The following ABTB3 variants were observed in gnomAD, a reference collection of about 807,000 sequenced individuals.
The protein encoded by ABTB3 is ankyrin repeat- and BTB/POZ domain-containing protein 3.
the ABTB3 span, among the ~76,000 whole-genome samples, chr12:107,641,322 G>C: frequency 6.6e-6 from 1 of 152,148 alleles, no homozygotes; most frequent in African/African-American, 2.4e-5. Context: ...TCTTAGTTTT[G>C]ACAAAGGTAC....
At chr12:107,656,720 A>T in the ABTB3 span, among the ~76,000 whole-genome samples, 1 of 152,252 alleles carries the variant, frequency 6.6e-6, no homozygotes, top group Non-Finnish European at 1.5e-5. Context: ...GTGCCGAATG[A>T]CACTAATATA....
the ABTB3 span, among the ~76,000 whole-genome samples, chr12:107,549,434 A>G: frequency 6.6e-6 from 1 of 152,230 alleles, no homozygotes; most frequent in Non-Finnish European, 1.5e-5. Context: ...TAAGTCCAGC[A>G]TGTTAGTTAT....
the ABTB3 span, among the ~76,000 whole-genome samples, chr12:107,566,278 C>G: frequency 6.6e-6 from 1 of 152,162 alleles, no homozygotes; most frequent in South Asian, 2.1e-4. Context: ...ATTCCCATCC[C>G]CTACTTCCTC....
At chr12:107,353,627 TC>T in the ABTB3 span, among the ~76,000 whole-genome samples, 1 of 152,100 alleles carries the variant, frequency 6.6e-6, no homozygotes, top group South Asian at 2.1e-4. Context: ...AGTAGAGTGG[TC>T]CCCAACCCCT....
At chr12:107,485,262 TA>T in the ABTB3 span, among the ~76,000 whole-genome samples, 2 of 152,058 alleles carry the variant, frequency 1.3e-5, no homozygotes, top group Non-Finnish European at 2.9e-5. Flanking sequence ...TTCAGGAGAT[TA>T]AAAAAACTAA....
chr12:107,654,349 A>G, the ABTB3 span, among the ~76,000 whole-genome samples: 1 of 152,076 alleles, frequency 6.6e-6, no homozygotes, highest in Non-Finnish European at 1.5e-5. Context: ...CCCAGGCTGG[A>G]GTGCAGTGAC....
At chr12:107,347,598 G>A in the ABTB3 span, among the ~76,000 whole-genome samples, 1 of 152,122 alleles carries the variant, frequency 6.6e-6, no homozygotes, top group African/African-American at 2.4e-5. Flanking sequence ...ACAGCATGGA[G>A]GTATCAGGGT....
the ABTB3 span, among the ~76,000 whole-genome samples, chr12:107,480,509 C>T: frequency 6.6e-6 from 1 of 152,276 alleles, no homozygotes; most frequent in East Asian, 1.9e-4. Flanking sequence ...CAAAGTCACA[C>T]AGCTAGTGAA....
At chr12:107,422,694 C>T in the ABTB3 span, among the ~76,000 whole-genome samples, 1 of 152,188 alleles carries the variant, frequency 6.6e-6, no homozygotes, top group South Asian at 2.1e-4. Flanking sequence ...GAGATAACTT[C>T]TTATGCCTCT....
the ABTB3 span, among the ~76,000 whole-genome samples, chr12:107,347,386 C>G: frequency 6.6e-6 from 1 of 152,122 alleles, no homozygotes; most frequent in Admixed American, 6.5e-5. Context: ...AACAACTACC[C>G]CAAAACATAT....
the ABTB3 span, chr12:107,649,271 G>A: frequency 1.9e-6 from 3 of 1,612,662 alleles, no homozygotes; most frequent in Admixed American, 5.0e-5. Context: ...ATGAGATCAT[G>A]GAGGTAAGGG....
At chr12:107,365,872 A>C in the ABTB3 span, among the ~76,000 whole-genome samples, 1 of 152,364 alleles carries the variant, frequency 6.6e-6, no homozygotes, top group South Asian at 2.1e-4. Context: ...GGTAGCATTC[A>C]TGGAATTTGA....
At chr12:107,372,436 A>G in the ABTB3 span, among the ~76,000 whole-genome samples, 3 of 152,334 alleles carry the variant, frequency 2.0e-5, no homozygotes, top group Admixed American at 6.5e-5. Context: ...CCAAAATTCA[A>G]TTCAACTTGG....
chr12:107,381,565 C>T, the ABTB3 span, among the ~76,000 whole-genome samples: 2 of 152,202 alleles, frequency 1.3e-5, no homozygotes, highest in African/African-American at 2.4e-5. Context: ...CAGCGTCTTC[C>T]TCAGGGCTGG....
the ABTB3 span, among the ~76,000 whole-genome samples, chr12:107,496,391 T>G: frequency 6.6e-6 from 1 of 152,164 alleles, no homozygotes; most frequent in African/African-American, 2.4e-5. Context: ...GTCACCTGTT[T>G]GATTAAATCT....
chr12:107,629,148 G>A, the ABTB3 span, among the ~76,000 whole-genome samples: 1 of 152,198 alleles, frequency 6.6e-6, no homozygotes, highest in East Asian at 1.9e-4. Flanking sequence ...CAGGCGTGGT[G>A]GCTCATGCCT....
the ABTB3 span, chr12:107,544,066 T>C: frequency 6.2e-7 from 1 of 1,614,046 alleles, no homozygotes; most frequent in Non-Finnish European, 8.5e-7. Context: ...CCTTTGCTAT[T>C]TCATGCACTG....
the ABTB3 span, among the ~76,000 whole-genome samples, chr12:107,432,029 T>G: frequency 6.6e-6 from 1 of 152,240 alleles, no homozygotes; most frequent in Non-Finnish European, 1.5e-5. Flanking sequence ...TGCAAGAGGT[T>G]GCAGTTTTTC....
the ABTB3 span, among the ~76,000 whole-genome samples, chr12:107,484,278 C>T: frequency 6.6e-6 from 1 of 152,336 alleles, no homozygotes; most frequent in South Asian, 2.1e-4. Context: ...AAACGGGTGT[C>T]CCAAAGCCTC....
Sources: gnomAD v4.1 joint callset for allele counts (sites outside exome capture counted in the v4.1 genomes callset) on GRCh38, gnomAD v4.1.1 for gene constraint, MANE v1.5 for transcripts, NCBI Gene and HGNC (gene_info 2026-07-23, HGNC 2026-07-21) for gene names.